Variants in PTPRT observed in about 807,000 individuals in gnomAD.
PTPRT encodes the protein receptor-type tyrosine-protein phosphatase T.
PTPRT carries 56 observed loss-of-function variants against 176.8 expected under a neutral mutation model. The ratio of observed to expected loss-of-function variants is 0.32; its 90% CI spans 0.26 to 0.40. The LOEUF is 0.40. Ranked by LOEUF, PTPRT falls within the 10% of genes least tolerant of loss-of-function variation. The pLI, the probability that PTPRT is intolerant of heterozygous loss-of-function variation, is 1.00. For missense variants in PTPRT, 1,540 were observed against 1,908.2 expected, an observed-to-expected ratio of 0.81 and a Z score of 3.60; for synonymous variants, 783 against 739.0, an observed-to-expected ratio of 1.06 and a Z score of -0.96.
intron 7 of PTPRT, among the ~76,000 whole-genome samples, chr20:42,490,390 T>G (rs557462492): frequency 5.6e-4 from 85 of 152,200 alleles, no homozygotes; most frequent in Non-Finnish European, 7.4e-5. Flanking sequence ...ATTCAGGTCT[T>G]CTTTTAACTC....
At chr20:43,103,820 A>G (rs1002751770) in intron 1 of PTPRT, among the ~76,000 whole-genome samples, 6 of 151,786 alleles carry the variant, frequency 4.0e-5, no homozygotes, top group African/African-American at 1.5e-4. Flanking sequence ...AAAAATCTCA[A>G]AAAAACACTG....
chr20:42,605,112 G>T (rs1305185321), intron 7 of PTPRT, among the ~76,000 whole-genome samples: 1 of 152,198 alleles, frequency 6.6e-6, no homozygotes, highest in African/African-American at 2.4e-5. Flanking sequence ...TACAGGGAGA[G>T]GCACATGCAA....
chr20:42,572,371 C>T (rs9784175), intron 7 of PTPRT, among the ~76,000 whole-genome samples: 1 of 152,204 alleles, frequency 6.6e-6, no homozygotes, highest in Non-Finnish European at 1.5e-5. Flanking sequence ...GCCCTGGCCT[C>T]TGCTGGCCAC....
At chr20:42,494,061 G>A (rs1013935023) in intron 7 of PTPRT, among the ~76,000 whole-genome samples, 33 of 152,020 alleles carry the variant, frequency 2.2e-4, no homozygotes, top group Non-Finnish European at 1.3e-4. Flanking sequence ...GAAGATAGGG[G>A]CTTTTCTCAA....
chr20:42,855,429 CTTTTTTTTTTT>C (rs555034551), intron 2 of PTPRT, among the ~76,000 whole-genome samples: 3 of 115,686 alleles, frequency 2.6e-5, no homozygotes, highest in African/African-American at 1.1e-4. Context: ...TATGTTCATG[CTTTTTTTTTTT>C]TTTTTTTTTT....
chr20:43,097,791 G>C (rs2012228043), intron 1 of PTPRT, among the ~76,000 whole-genome samples: 1 of 152,196 alleles, frequency 6.6e-6, no homozygotes, highest in Admixed American at 6.5e-5. Flanking sequence ...ACAGTGACAG[G>C]ATAGCTGAAC....
intron 8 of PTPRT, among the ~76,000 whole-genome samples, chr20:42,453,156 T>C (rs578172225): frequency 1.3e-5 from 2 of 152,210 alleles, no homozygotes; most frequent in Non-Finnish European, 2.9e-5. Context: ...ACCCATGTAT[T>C]CTTCCAGAAG....
intron 1 of PTPRT, among the ~76,000 whole-genome samples, chr20:43,100,627 C>A (rs1480954580): frequency 2.0e-5 from 3 of 152,220 alleles, no homozygotes; most frequent in Non-Finnish European, 4.4e-5. Context: ...ATGTCTCTTT[C>A]ATTTCCAGCT....
At chr20:42,878,043 C>T (rs983694248) in intron 2 of PTPRT, among the ~76,000 whole-genome samples, 4 of 152,188 alleles carry the variant, frequency 2.6e-5, no homozygotes, top group Non-Finnish European at 4.4e-5. Flanking sequence ...AAAGATAATA[C>T]ACAACCATTC....
chr20:42,268,962 C>T (rs2146992913), intron 13 of PTPRT, among the ~76,000 whole-genome samples: 1 of 152,266 alleles, frequency 6.6e-6, no homozygotes, highest in East Asian at 1.9e-4. Context: ...GAACCACTTC[C>T]CCAGGAGGTC....
At chr20:42,436,047 T>A (rs1460777775) in intron 9 of PTPRT, among the ~76,000 whole-genome samples, 1 of 152,148 alleles carries the variant, frequency 6.6e-6, no homozygotes, top group Non-Finnish European at 1.5e-5. Flanking sequence ...TTTATCAATG[T>A]AATAAAAAAA....
chr20:42,702,115 T>C (rs1012247454), intron 6 of PTPRT, among the ~76,000 whole-genome samples: 1 of 152,088 alleles, frequency 6.6e-6, no homozygotes, highest in African/African-American at 2.4e-5. Flanking sequence ...CTAATCACAG[T>C]CTGCACCCAC....
chr20:42,695,398 G>A (rs866454012), intron 6 of PTPRT, among the ~76,000 whole-genome samples: 3 of 152,154 alleles, frequency 2.0e-5, no homozygotes, highest in Non-Finnish European at 2.9e-5. Context: ...ACACAACTAC[G>A]CTTGATTCTA....
At position 42,472,369 on chromosome 20, in the gene PTPRT, C is replaced by T. The variant is rs2071212938; in HGVS notation, c.1347G>A (p.Leu449=). 1 of 1,614,184 alleles carries T rather than the reference C, an allele frequency of 6.2e-7. No individual in the cohort carries two copies. The change falls in exon 8 of 31, where the codon CTG becomes CTA. Residue 449 remains leucine (L), a synonymous_variant. Coordinates refer to ENST00000373187, the MANE Select transcript of PTPRT (RefSeq NM_007050.6). ...EVIQTSSHYT[L]RGLRPFMTIR... ...TGGTCATGAAGGGGCGCAGGCCTCG[C>T]AGGGTGTAGTGGGAGGAGGTCTGGA...
intron 16 of PTPRT, among the ~76,000 whole-genome samples, chr20:42,180,259 G>A (rs1990461479): frequency 6.6e-6 from 1 of 152,174 alleles, no homozygotes; most frequent in Non-Finnish European, 1.5e-5. Flanking sequence ...GACCTTTACA[G>A]CTGGAACAGG....
intron 1 of PTPRT, among the ~76,000 whole-genome samples, chr20:43,056,786 A>G (rs1350858176): frequency 6.6e-6 from 1 of 152,212 alleles, no homozygotes; most frequent in African/African-American, 2.4e-5. Context: ...TAATTTATCA[A>G]TTTGCCAACT....
intron 7 of PTPRT, among the ~76,000 whole-genome samples, chr20:42,484,206 A>ATT (rs1186535065): frequency 4.9e-4 from 75 of 151,554 alleles, no homozygotes; most frequent in African/African-American, 1.7e-3. Context: ...TGTTTTGGTA[A>ATT]TTTTTTTTTC....
At chr20:42,807,040 T>C (rs142898844) in intron 2 of PTPRT, among the ~76,000 whole-genome samples, 10 of 152,204 alleles carry the variant, frequency 6.6e-5, no homozygotes, top group African/African-American at 2.4e-4. Flanking sequence ...TGATAATTTT[T>C]GCCCTGTTGT....
intron 7 of PTPRT, among the ~76,000 whole-genome samples, chr20:42,673,970 A>T (rs565856248): frequency 7.2e-5 from 11 of 152,160 alleles, no homozygotes; most frequent in Non-Finnish European, 1.5e-4. Flanking sequence ...ATCCTAACCC[A>T]GCCTGTAAAT....
Sources: allele counts gnomAD v4.1 joint callset (sites outside exome capture counted in the v4.1 genomes callset), GRCh38; gene constraint gnomAD v4.1.1; transcripts MANE v1.5; gene names NCBI Gene and HGNC (gene_info 2026-07-23, HGNC 2026-07-21).